ATXN10: variants seen among roughly 807,000 people sequenced by gnomAD.
The protein encoded by ATXN10 is ataxin-10.
A neutral mutation model predicts 52.9 loss-of-function variants in ATXN10; 28 were observed. The observed-to-expected ratio is 0.53, with a 90% CI of 0.39 to 0.73. The LOEUF (loss-of-function observed/expected upper bound fraction) is 0.73. Among genes scored for constraint, ATXN10 ranks in the 30% least tolerant of loss-of-function variants. ATXN10 has a pLI of 0.00. For synonymous variants in ATXN10, 226 were observed against 221.5 expected (o/e 1.02, Z -0.18); for missense variants, 565 against 577.0 (o/e 0.98, Z 0.21).
intron 9 of ATXN10, among the ~76,000 whole-genome samples, chr22:45,804,092 C>T (rs138861890): frequency 3.3e-5 from 5 of 152,280 alleles, no homozygotes; most frequent in South Asian, 2.1e-4. Context: ...CAAATTTCAT[C>T]GTAAGATTCA....
intron 6 of ATXN10, among the ~76,000 whole-genome samples, chr22:45,720,989 G>A (rs538190483): frequency 1.3e-5 from 2 of 152,266 alleles, no homozygotes; most frequent in East Asian, 1.9e-4. Context: ...CTTACTGTGA[G>A]GGTAATAACC....
rs1922927536 is a variant in ATXN10, at chr22:45,681,673, G to A, written c.117-8039G>A. On this transcript the variant is annotated intron_variant, in intron 1 of 11. Coordinates refer to ENST00000252934, the MANE Select transcript of ATXN10 (RefSeq NM_013236.4). This position sits in a 1 kb window ranked among gnomAD's most constrained non-coding sequence, Gnocchi z 4.2. ...ACCCAAATAGCTGAACAAGGCTAGAGAAAAACATACAGCCGTGCAGACTGC... is the reference window on the plus strand; with the variant it reads ...ACCCAAATAGCTGAACAAGGCTAGAAAAAAACATACAGCCGTGCAGACTGC... Among the ~76,000 whole-genome samples the A allele has an allele frequency of 6.6e-6, 1 of 152,204 alleles. No individual in the cohort carries two copies. Among genetic ancestry groups the A allele is most frequent in the Non-Finnish European group, 1.5e-5 (1 of 68,038 alleles).
chr22:45,801,570 A>G (rs991846507), intron 9 of ATXN10, among the ~76,000 whole-genome samples: 9 of 152,222 alleles, frequency 5.9e-5, no homozygotes, highest in African/African-American at 2.2e-4. Context: ...AAAGCCAGCA[A>G]AAGAGTATGG....
intron 9 of ATXN10, among the ~76,000 whole-genome samples, chr22:45,798,817 G>A (rs547598578): frequency 3.2e-4 from 48 of 152,210 alleles, no homozygotes; most frequent in Middle Eastern, 3.4e-3. Flanking sequence ...ATATGTAAAT[G>A]AAAATTAATT....
intron 9 of ATXN10, among the ~76,000 whole-genome samples, chr22:45,804,247 C>T (rs578010703): frequency 3.5e-4 from 53 of 152,244 alleles, no homozygotes; most frequent in African/African-American, 1.2e-3. Flanking sequence ...GACTTCTGAG[C>T]CTCACTTTTT....
At chr22:45,731,461 T>C (rs981736533) in intron 7 of ATXN10, among the ~76,000 whole-genome samples, 3 of 152,218 alleles carry the variant, frequency 2.0e-5, no homozygotes, top group Non-Finnish European at 4.4e-5. Flanking sequence ...TCATTGCATG[T>C]ATATTATACC....
rs775488826 is a variant in ATXN10 at position 45,835,598 on chromosome 22, A to G, written c.1238-7393A>G. On this transcript the variant is annotated intron_variant, in intron 10 of 11. Transcript: ENST00000252934. The surrounding 1 kb of genome is among the most constrained non-coding windows in gnomAD (Gnocchi z 5.0). Reference sequence around the variant, plus strand: ...AATCTCTAGTGGACAGAGGTGTGAAATGTAGTTCTGTCAAACTCAGCAGTG... The same window carrying G: ...AATCTCTAGTGGACAGAGGTGTGAAGTGTAGTTCTGTCAAACTCAGCAGTG... 3.9e-5 allele frequency among the ~76,000 whole-genome samples: 6 copies of G among 152,206 alleles called. No homozygotes were observed. Among genetic ancestry groups the G allele is most frequent in the Admixed American group, 1.3e-4 (2 of 15,290 alleles).
At chr22:45,724,242 A>G (rs1026081968) in intron 6 of ATXN10, among the ~76,000 whole-genome samples, 1 of 152,160 alleles carries the variant, frequency 6.6e-6, no homozygotes, top group Non-Finnish European at 1.5e-5. Context: ...AGAAGTCCCC[A>G]TACTATTTTC....
chr22:45,822,347 A>G (rs1341409224), intron 10 of ATXN10, among the ~76,000 whole-genome samples: 1 of 152,060 alleles, frequency 6.6e-6, no homozygotes, highest in Non-Finnish European at 1.5e-5. Context: ...CAGGGCATGT[A>G]TATCTTTATC....
In ATXN10 at chr22:45,766,413, C is replaced by G. The variant is rs1276209180; in HGVS notation, c.1173+25875C>G. Among the ~76,000 whole-genome samples the G allele has an allele frequency of 6.6e-6, 1 of 152,160 alleles. No homozygotes were observed. The highest frequency in any genetic ancestry group is 6.5e-5 in the Admixed American group (1 of 15,282). On this transcript the variant is annotated intron_variant, in intron 9 of 11. Coordinates refer to ENST00000252934, the MANE Select transcript of ATXN10 (RefSeq NM_013236.4). This position sits in a 1 kb window ranked among gnomAD's most constrained non-coding sequence, Gnocchi z 4.6. ...GAACAGTTTCATCCTGAAGTCTTCC[C>G]CGCAACCCCTCTTCCCCCGAGTCTG...
Position 45,784,314 on chromosome 22 carries a change from G to A in ATXN10, c.1174-22645G>A, listed in dbSNP as rs1927250694. On this transcript the variant is annotated intron_variant, in intron 9 of 11. Coordinates refer to ENST00000252934, the MANE Select transcript of ATXN10 (RefSeq NM_013236.4). The surrounding 1 kb of genome is among the most constrained non-coding windows in gnomAD (Gnocchi z 4.2). ...ATCTTGGAACATTATTTTCTACCTT[G>A]CAAAACCATTAGGAATACCAAATAT... Among the ~76,000 whole-genome samples, 1 of 152,030 alleles carries A rather than the reference G, an allele frequency of 6.6e-6. No homozygotes were observed. Among genetic ancestry groups the A allele is most frequent in the South Asian group, 2.1e-4 (1 of 4,822 alleles).
At position 45,828,081 on chromosome 22, in the gene ATXN10, T is replaced by A. The variant is rs1173107333; in HGVS notation, c.1238-14910T>A. On this transcript the variant is annotated intron_variant, in intron 10 of 11. Coordinates refer to ENST00000252934, the MANE Select transcript of ATXN10 (RefSeq NM_013236.4). The surrounding 1 kb of genome is among the most constrained non-coding windows in gnomAD (Gnocchi z 4.5). ...ATACTTAGAGGTCAGCTGGGTGCAG[T>A]GGCTCATACCTGTAATCCCAGCAGT... Among the ~76,000 whole-genome samples the A allele has an allele frequency of 6.6e-6, 1 of 152,142 alleles. No homozygotes were observed. The highest frequency in any genetic ancestry group is 1.5e-5 in the Non-Finnish European group (1 of 68,044).
chr22:45,821,292 G>T (rs112928386), intron 10 of ATXN10, among the ~76,000 whole-genome samples: 13,413 of 150,694 alleles, frequency 0.089, 757 homozygotes, highest in Middle Eastern at 0.16. Flanking sequence ...CAGGAGGATC[G>T]CTTGAGCCTG....
rs1361108348 is a variant in ATXN10 at position 45,820,753 on chromosome 22, G to T, written c.1237+13731G>T. On this transcript the variant is annotated intron_variant, in intron 10 of 11. Coordinates refer to ENST00000252934, the MANE Select transcript of ATXN10 (RefSeq NM_013236.4). The surrounding 1 kb of genome is among the most constrained non-coding windows in gnomAD (Gnocchi z 4.9). ...TTGCCAGGGTGGTTTGCTTACCCCG[G>T]CCATCCCAACAATGGTGGTTGGTTT... is the stretch of plus-strand genomic sequence containing the variant. Among the ~76,000 whole-genome samples the T allele has an allele frequency of 1.3e-5, 2 of 152,154 alleles. No homozygotes were observed. The highest frequency in any genetic ancestry group is 4.8e-5 in the African/African-American group (2 of 41,420).
intron 2 of ATXN10, among the ~76,000 whole-genome samples, chr22:45,691,154 A>G (rs533036574): frequency 8.3e-4 from 126 of 152,342 alleles, no homozygotes; most frequent in Non-Finnish European, 1.4e-3. Flanking sequence ...ATAATAGTCT[A>G]CATTCTAAAA....
In ATXN10 at chr22:45,769,985, T is replaced by C. The variant is rs914957983; in HGVS notation, c.1173+29447T>C. 1.3e-5 allele frequency among the ~76,000 whole-genome samples: 2 copies of C among 152,246 alleles called. No individual in the cohort carries two copies. The highest frequency in any genetic ancestry group is 3.8e-4 in the East Asian group (2 of 5,198). On this transcript the variant is annotated intron_variant, in intron 9 of 11. Coordinates refer to ENST00000252934, the MANE Select transcript of ATXN10 (RefSeq NM_013236.4). The surrounding 1 kb of genome is among the most constrained non-coding windows in gnomAD (Gnocchi z 4.2). ...TCTAAATAAAGGTTCTCAGATGCAG[T>C]TTCACAGAGCAGGCTGTGGCCCAGA...
intron 9 of ATXN10, among the ~76,000 whole-genome samples, chr22:45,800,296 C>T (rs1337377278): frequency 6.6e-6 from 1 of 152,050 alleles, no homozygotes; most frequent in Non-Finnish European, 1.5e-5. Context: ...AGAAAACAAC[C>T]CAGTTAATAA....
intron 9 of ATXN10, among the ~76,000 whole-genome samples, chr22:45,753,406 T>C (rs1926060818): frequency 2.2e-5 from 1 of 45,970 alleles, no homozygotes; most frequent in East Asian, 6.2e-4. Flanking sequence ...TTTTTTTTTT[T>C]TTTTTTTTTT....
intron 5 of ATXN10, among the ~76,000 whole-genome samples, chr22:45,711,173 A>G (rs2146764950): frequency 6.6e-6 from 1 of 152,226 alleles, no homozygotes; most frequent in South Asian, 2.1e-4. Context: ...AAACTAAAAT[A>G]CTATTCAGCA....
Sources: allele counts gnomAD v4.1 joint callset (sites outside exome capture counted in the v4.1 genomes callset), GRCh38; gene constraint gnomAD v4.1.1; non-coding constraint Gnocchi (gnomAD v3.1); transcripts MANE v1.5; gene names NCBI Gene and HGNC (gene_info 2026-07-23, HGNC 2026-07-21).